STOX2: variants seen among roughly 807,000 people sequenced by gnomAD.
STOX2 encodes the protein storkhead-box protein 2.
In STOX2, 28 loss-of-function variants were observed where a neutral mutation model predicts 60.9. The ratio of observed to expected loss-of-function variants is 0.46; its 90% CI spans 0.34 to 0.63. The LOEUF (loss-of-function observed/expected upper bound fraction) is 0.63, where lower values mean the gene tolerates loss of function less well. Among genes scored for constraint, STOX2 ranks in the 30% least tolerant of loss-of-function variants. STOX2 has a pLI of 0.01. For synonymous variants in STOX2, 472 were observed against 463.9 expected (o/e 1.02, Z -0.22); for missense variants, 1,024 against 1,187.7 (o/e 0.86, Z 2.03).
At chr4:183,973,921 G>A (rs1031007777) in intron 1 of STOX2, among the ~76,000 whole-genome samples, 3 of 152,334 alleles carry the variant, frequency 2.0e-5, no homozygotes, top group South Asian at 2.1e-4. Context: ...TTTAACCCAG[G>A]AGGCAGAGGT....
chr4:183,871,491 T>G lies in STOX2; in HGVS notation c.364+73436T>G, dbSNP rs1579356582. On this transcript the variant is annotated intron_variant, in intron 1 of 2. Coordinates refer to the STOX2 transcript ENST00000513034. ...TTTGGTATGAGAACATTCTGGTATT[T>G]GTGAACAGGCTTTTGTGCCAGAAAA... Among the ~76,000 whole-genome samples the G allele has an allele frequency of 4.6e-5, 7 of 152,304 alleles. No individual in the cohort carries two copies. In the South Asian group the frequency reaches 1.5e-3, roughly 32 times the overall value.
At chr4:183,994,968 G>C (rs1179615929) in intron 1 of STOX2, among the ~76,000 whole-genome samples, 1 of 152,190 alleles carries the variant, frequency 6.6e-6, no homozygotes, top group Non-Finnish European at 1.5e-5. Context: ...TAAGATAGAG[G>C]ATGGAGGCTG....
chr4:183,939,341 C>T (rs1308663684), intron 1 of STOX2, among the ~76,000 whole-genome samples: 1 of 152,238 alleles, frequency 6.6e-6, no homozygotes, highest in Non-Finnish European at 1.5e-5. Flanking sequence ...CTGCATCTCT[C>T]CAGTGTCTGC....
chr4:183,878,518 G>C (rs377256744), intron 1 of STOX2, among the ~76,000 whole-genome samples: 6 of 152,046 alleles, frequency 3.9e-5, no homozygotes, highest in African/African-American at 1.2e-4. Flanking sequence ...ATTTTGATTT[G>C]GAATTAGAAT....
intron 1 of STOX2, among the ~76,000 whole-genome samples, chr4:183,881,699 A>C (rs1740963910): frequency 1.3e-5 from 2 of 152,214 alleles, no homozygotes; most frequent in South Asian, 2.1e-4. Context: ...GCAGAAATAC[A>C]TGGAAAGAGT....
chr4:183,956,199 C>T (rs1429699665), intron 1 of STOX2, among the ~76,000 whole-genome samples: 4 of 152,200 alleles, frequency 2.6e-5, no homozygotes, highest in African/African-American at 9.7e-5. Flanking sequence ...CTGTTTTACA[C>T]CTCGCCGTTA....
At chr4:183,876,123 G>C (rs989473410) in intron 1 of STOX2, among the ~76,000 whole-genome samples, 6 of 152,218 alleles carry the variant, frequency 3.9e-5, no homozygotes, top group African/African-American at 1.4e-4. Flanking sequence ...AAGAGGTGCA[G>C]ATCTCTTGAT....
intron 1 of STOX2, among the ~76,000 whole-genome samples, chr4:183,946,247 T>C (rs1020412015): frequency 2.6e-5 from 4 of 152,264 alleles, no homozygotes; most frequent in Non-Finnish European, 4.4e-5. Context: ...GTTTATTTGC[T>C]GTGCGACTTC....
At chr4:183,881,573 T>C (rs1740960496) in intron 1 of STOX2, among the ~76,000 whole-genome samples, 1 of 152,212 alleles carries the variant, frequency 6.6e-6, no homozygotes, top group Non-Finnish European at 1.5e-5. Context: ...TATATATTTG[T>C]TAAATAACTA....
intron 1 of STOX2, among the ~76,000 whole-genome samples, chr4:183,829,194 T>C (rs1739511124): frequency 6.6e-6 from 1 of 152,262 alleles, no homozygotes; most frequent in South Asian, 2.1e-4. Context: ...ATCTTTTTCT[T>C]TGATGAGAGA....
rs570597123 is a variant in STOX2, at chr4:183,845,028, C to T, written c.364+46973C>T. The stretch of plus-strand genomic sequence containing the variant: ...AACATAATAGTCTCCCCAAGGCTGC[C>T]TGTAGCACAGTTCCTTAGATTCCCA... On this transcript the variant is annotated intron_variant, in intron 1 of 2. Coordinates refer to the STOX2 transcript ENST00000513034. 9.8e-5 allele frequency among the ~76,000 whole-genome samples: 15 copies of T among 152,346 alleles called. No individual in the cohort carries two copies. The South Asian group carries it at 3.1e-3, about 32-fold the overall frequency.
intron 1 of STOX2, among the ~76,000 whole-genome samples, chr4:183,802,530 A>G (rs1738788678): frequency 6.6e-6 from 1 of 151,362 alleles, no homozygotes; most frequent in Non-Finnish European, 1.5e-5. Context: ...CACACCACTA[A>G]GCCTGGCTAA....
intron 1 of STOX2, among the ~76,000 whole-genome samples, chr4:183,986,479 G>A (rs973700800): frequency 6.6e-6 from 1 of 152,242 alleles, no homozygotes; most frequent in African/African-American, 2.4e-5. Flanking sequence ...GGCAGAGGAT[G>A]TGAAAAGCGT....
At chr4:183,869,620 A>G (rs1329920343) in intron 1 of STOX2, among the ~76,000 whole-genome samples, 2 of 152,192 alleles carry the variant, frequency 1.3e-5, no homozygotes, top group Non-Finnish European at 2.9e-5. Context: ...TTATCACACT[A>G]TTAGCTTGGC....
intron 1 of STOX2, among the ~76,000 whole-genome samples, chr4:183,840,271 T>C (rs1739823828): frequency 2.0e-5 from 3 of 152,210 alleles, no homozygotes; most frequent in Non-Finnish European, 4.4e-5. Context: ...GTGGATGGAT[T>C]ATTTAAAATA....
chr4:183,934,558 A>G (rs1357559826), intron 1 of STOX2, among the ~76,000 whole-genome samples: 1 of 152,206 alleles, frequency 6.6e-6, no homozygotes, highest in Admixed American at 6.5e-5. Context: ...CCAGTTGTAC[A>G]GCAATTAATG....
At chr4:183,852,784 G>A (rs1002252510) in intron 1 of STOX2, among the ~76,000 whole-genome samples, 1 of 152,186 alleles carries the variant, frequency 6.6e-6, no homozygotes, top group East Asian at 1.9e-4. Flanking sequence ...TTGTAAGTTG[G>A]TGTAAGGGTG....
Position 184,019,166 on chromosome 4 carries a change from T to C in STOX2, c.*1882T>C, listed in dbSNP as rs1734483967. 6.6e-6 allele frequency: 1 copy of C among 152,234 alleles called. No homozygotes were observed. The highest frequency in any genetic ancestry group is 2.4e-5 in the African/African-American group (1 of 41,458). 9.4% of individuals were successfully genotyped at this position (152,234 alleles called of 1,614,324 possible). A position where few individuals can be genotyped will look rare whatever the true frequency, so the allele number is the denominator to read the frequency against. ...CCTTGAGTTTGGTGTAAATTCCTTTTTTCTGCTTATTATAGTGAAACTTCA... is the reference window on the plus strand; with the variant it reads ...CCTTGAGTTTGGTGTAAATTCCTTTCTTCTGCTTATTATAGTGAAACTTCA... On this transcript the variant is annotated 3_prime_UTR_variant, in exon 4 of 4. Coordinates refer to ENST00000308497, the MANE Select transcript of STOX2 (RefSeq NM_020225.3).
intron 1 of STOX2, among the ~76,000 whole-genome samples, chr4:183,935,319 G>A (rs1159420240): frequency 3.3e-5 from 5 of 152,186 alleles, no homozygotes; most frequent in African/African-American, 1.2e-4. Flanking sequence ...GCTCCCCAGA[G>A]GGTATCACCC....
Sources: allele counts gnomAD v4.1 joint callset (sites outside exome capture counted in the v4.1 genomes callset), GRCh38; gene constraint gnomAD v4.1.1; transcripts MANE v1.5; gene names NCBI Gene and HGNC (gene_info 2026-07-23, HGNC 2026-07-21).